The following USH2A variants were observed in gnomAD, a reference collection of about 807,000 sequenced individuals.
USH2A encodes the protein Usher syndrome 2A (autosomal recessive, mild).
Under a neutral mutation model 538.9 loss-of-function variants are expected in USH2A, and 443 were observed. That is an observed-to-expected ratio of 0.82 (90% confidence interval 0.76 to 0.89). USH2A has a LOEUF of 0.89. USH2A is among the 40% of genes least tolerant of loss of function. The pLI, the probability that USH2A is intolerant of heterozygous loss-of-function variation, is 0.00. For missense variants in USH2A, 6,633 were observed against 6,324.8 expected, an observed-to-expected ratio of 1.05 and a Z score of -1.65; for synonymous variants, 2,413 against 2,273.5, an observed-to-expected ratio of 1.06 and a Z score of -1.75.
rs139348606 is a variant in USH2A at position 215,867,128 on chromosome 1, C to G, written c.8724G>C (p.Val2908=). The G allele has an allele frequency of 1.9e-6, 3 of 1,614,112 alleles. No homozygotes were observed. The highest frequency in any genetic ancestry group is 2.5e-6 in the Non-Finnish European group (3 of 1,180,006). ...TCACTTCTCGGCTCGGTGTAAAACCCACACTGTTGTGTACGAAGAGCATAT... is the reference window on the plus strand; with the variant it reads ...TCACTTCTCGGCTCGGTGTAAAACCGACACTGTTGTGTACGAAGAGCATAT... The part of the protein sequence containing the change: ...YEYMLFVHNS[V]GFTPSREVTV... The change falls in exon 44 of 72, where the codon GTG becomes GTC. Residue 2908 remains valine, a synonymous_variant. Coordinates refer to ENST00000307340, the MANE Select transcript of USH2A (RefSeq NM_206933.4).
intron 15 of USH2A, among the ~76,000 whole-genome samples, chr1:216,209,982 C>T (rs953521158): frequency 2.6e-4 from 40 of 152,140 alleles, no homozygotes; most frequent in Admixed American, 1.0e-3. Flanking sequence ...GTCTTAGAGC[C>T]GGCCATAAGG....
At chr1:215,986,851 C>G (rs1387490041) in intron 35 of USH2A, among the ~76,000 whole-genome samples, 1 of 152,162 alleles carries the variant, frequency 6.6e-6, no homozygotes, top group East Asian at 1.9e-4. Context: ...TATAAGATGC[C>G]TCTACTCCGT....
chr1:215,835,767 G>A (rs1193717503), intron 47 of USH2A, among the ~76,000 whole-genome samples: 2 of 151,934 alleles, frequency 1.3e-5, no homozygotes, highest in Non-Finnish European at 2.9e-5. Context: ...TGTCATTATT[G>A]TCTTTTGTCA....
intron 21 of USH2A, among the ~76,000 whole-genome samples, chr1:216,168,886 G>A (rs775368435): frequency 6.6e-6 from 1 of 151,880 alleles, no homozygotes; most frequent in African/African-American, 2.4e-5. Flanking sequence ...TTTCATGTCC[G>A]ACCCAACCAA....
At chr1:216,183,798 T>G (rs567121711) in intron 20 of USH2A, among the ~76,000 whole-genome samples, 67 of 152,182 alleles carry the variant, frequency 4.4e-4, no homozygotes, top group African/African-American at 1.5e-3. Context: ...AATGAATTTT[T>G]CAGTTATATT....
chr1:215,964,183 C>T (rs778493073), intron 37 of USH2A, among the ~76,000 whole-genome samples: 18 of 152,058 alleles, frequency 1.2e-4, no homozygotes, highest in Non-Finnish European at 2.4e-4. Flanking sequence ...GCTGCCTTGG[C>T]GGAAATAGCT....
At chr1:216,143,547 G>A (rs2033640562) in intron 21 of USH2A, among the ~76,000 whole-genome samples, 1 of 152,230 alleles carries the variant, frequency 6.6e-6, no homozygotes, top group South Asian at 2.1e-4. Context: ...GCCCTAAAGA[G>A]TAGAAAATTC....
chr1:216,306,071 G>C (rs540505333), intron 9 of USH2A, among the ~76,000 whole-genome samples: 1 of 152,036 alleles, frequency 6.6e-6, no homozygotes, highest in Non-Finnish European at 1.5e-5. Flanking sequence ...AGCAAGGTTG[G>C]GGACGTTTTC....
At chr1:216,292,691 A>G (rs2037025897) in intron 9 of USH2A, among the ~76,000 whole-genome samples, 1 of 152,130 alleles carries the variant, frequency 6.6e-6, no homozygotes, top group African/African-American at 2.4e-5. Flanking sequence ...TACAACGTGT[A>G]ATCATCACAT....
chr1:216,066,223 C>A (rs1205812691), intron 30 of USH2A, among the ~76,000 whole-genome samples: 1 of 151,954 alleles, frequency 6.6e-6, no homozygotes, highest in African/African-American at 2.4e-5. Context: ...GTAATCCCAG[C>A]ACTTTGGGAG....
chr1:216,009,264 C>T (rs1331697367), intron 32 of USH2A, among the ~76,000 whole-genome samples: 6 of 152,036 alleles, frequency 3.9e-5, no homozygotes, highest in African/African-American at 1.5e-4. Context: ...TATGGGCAAC[C>T]TTCCACCCTC....
chr1:216,033,413 A>C (rs1261615508), intron 32 of USH2A, among the ~76,000 whole-genome samples: 3 of 152,234 alleles, frequency 2.0e-5, no homozygotes, highest in Non-Finnish European at 4.4e-5. Flanking sequence ...GGGGAAAGTA[A>C]ATTCCAGTCA....
At chr1:216,078,545 T>G (rs1430272109) in intron 26 of USH2A, among the ~76,000 whole-genome samples, 183 bp from the exon 27 acceptor site, 2 of 152,146 alleles carry the variant, frequency 1.3e-5, no homozygotes, top group African/African-American at 2.4e-5. Flanking sequence ...TTCTAGCTTA[T>G]AGTTGACATG....
chr1:215,655,185 G>A (rs1657202452), intron 64 of USH2A, among the ~76,000 whole-genome samples: 1 of 152,084 alleles, frequency 6.6e-6, no homozygotes, highest in Admixed American at 6.5e-5. Flanking sequence ...AAATACAAAG[G>A]CCTATTCTTT....
At chr1:215,843,101 T>C (rs1403519453) in intron 46 of USH2A, among the ~76,000 whole-genome samples, 1 of 152,140 alleles carries the variant, frequency 6.6e-6, no homozygotes, top group Non-Finnish European at 1.5e-5. Flanking sequence ...AAAGTGTTGG[T>C]TGTAGCCAGA....
At chr1:216,117,045 C>G (rs901466450) in intron 21 of USH2A, among the ~76,000 whole-genome samples, 1 of 152,024 alleles carries the variant, frequency 6.6e-6, no homozygotes, top group Admixed American at 6.6e-5. Flanking sequence ...CCTCTCTTAC[C>G]CCAGGCTATT....
chr1:216,149,682 C>T (rs2033793737), intron 21 of USH2A, among the ~76,000 whole-genome samples: 1 of 152,262 alleles, frequency 6.6e-6, no homozygotes, highest in South Asian at 2.1e-4. Context: ...GCAGGCTAGA[C>T]AGGAAATTCG....
At position 216,377,751 on chromosome 1, in the gene USH2A, GAAA is replaced by G. The variant is rs1558061549; in HGVS notation, c.652-12669_652-12667del. On this transcript the variant is annotated intron_variant, in intron 3 of 71. Transcript: ENST00000307340. ...AGAAGAAAGAGAAAGAAAAAAAAAA[GAAA>G]GAAAGAAAGAGAAGGAAAGAAATAA... 1.5e-3 allele frequency among the ~76,000 whole-genome samples: 200 copies of G among 134,386 alleles called. 1 individual carries two copies. The highest frequency in any genetic ancestry group is 5.2e-3 in the African/African-American group (185 of 35,514). The allele number at this position is 134,386 out of a possible 152,430, so 88.2% of individuals were successfully genotyped here.
intron 9 of USH2A, among the ~76,000 whole-genome samples, chr1:216,309,350 G>A (rs922346424): frequency 6.6e-6 from 1 of 152,108 alleles, no homozygotes; most frequent in African/African-American, 2.4e-5. Flanking sequence ...TGTAAAGTTT[G>A]TGATTAAGAC....
Sources: gnomAD v4.1 joint callset for allele counts (sites outside exome capture counted in the v4.1 genomes callset) on GRCh38, gnomAD v4.1.1 for gene constraint, MANE v1.5 for transcripts, NCBI Gene and HGNC (gene_info 2026-07-23, HGNC 2026-07-21) for gene names.